COX7B2: variants seen among roughly 807,000 people sequenced by gnomAD.
COX7B2 encodes cytochrome c oxidase subunit 7B2.
For synonymous variants in COX7B2, 37 were observed against 32.1 expected (o/e 1.15, Z -0.51); for missense variants, 109 against 95.9 (o/e 1.14, Z -0.57).
At chr4:46,816,816 A>G (rs1719582337) in intron 2 of COX7B2, among the ~76,000 whole-genome samples, 2 of 152,204 alleles carry the variant, frequency 1.3e-5, no homozygotes, top group Admixed American at 6.5e-5. Flanking sequence ...TGTGTTACAG[A>G]CATTCATGTA....
At chr4:46,824,275 C>A (rs1033648550) in intron 2 of COX7B2, among the ~76,000 whole-genome samples, 30 of 152,002 alleles carry the variant, frequency 2.0e-4, no homozygotes, top group African/African-American at 6.0e-4. Flanking sequence ...CAGAAATATT[C>A]CAAAAAACTG....
intron 2 of COX7B2, among the ~76,000 whole-genome samples, chr4:46,772,975 A>T (rs1356412998): frequency 1.3e-5 from 2 of 152,156 alleles, no homozygotes; most frequent in African/African-American, 4.8e-5. Flanking sequence ...TTAAATGTCC[A>T]TGGAAACCAG....
intron 2 of COX7B2, among the ~76,000 whole-genome samples, chr4:46,795,289 A>C (rs1238543752): frequency 1.3e-4 from 12 of 95,196 alleles, no homozygotes; most frequent in African/African-American, 5.7e-4. Flanking sequence ...CTATGTCCTG[A>C]ATGGTAATGC....
intron 2 of COX7B2, among the ~76,000 whole-genome samples, chr4:46,820,834 A>AATAT (rs1194238870): frequency 3.9e-5 from 5 of 129,212 alleles, no homozygotes; most frequent in South Asian, 2.6e-4. Context: ...AAAAAAAAAA[A>AATAT]ATATATATAT....
intron 2 of COX7B2, among the ~76,000 whole-genome samples, chr4:46,781,664 C>T (rs1161604754): frequency 6.6e-6 from 1 of 152,302 alleles, no homozygotes; most frequent in Non-Finnish European, 1.5e-5. Context: ...CCTCTGCTTG[C>T]CAGGAGGTGT....
At chr4:46,894,412 G>A (rs12640527) in intron 1 of COX7B2, among the ~76,000 whole-genome samples, 20,303 of 151,950 alleles carry the variant, frequency 0.13, 1,480 homozygotes, top group South Asian at 0.25. Context: ...TTCAATAAAC[G>A]GTGCTGGAAT....
At chr4:46,815,596 TCTC>T (rs1420722266) in intron 2 of COX7B2, among the ~76,000 whole-genome samples, 9 of 152,046 alleles carry the variant, frequency 5.9e-5, no homozygotes, top group Non-Finnish European at 8.8e-5. Flanking sequence ...TAATCTGTAT[TCTC>T]CTACAGCTGC....
intron 2 of COX7B2, among the ~76,000 whole-genome samples, chr4:46,735,812 A>C (rs896682061): frequency 2.0e-5 from 3 of 152,184 alleles, no homozygotes; most frequent in African/African-American, 7.2e-5. Context: ...ACAATTTACA[A>C]ACTTTTTTTC....
chr4:46,782,981 A>G (rs1014808934), intron 2 of COX7B2, among the ~76,000 whole-genome samples: 1 of 152,222 alleles, frequency 6.6e-6, no homozygotes, highest in Non-Finnish European at 1.5e-5. Flanking sequence ...AATTCCGGAC[A>G]TAATACTATA....
At chr4:46,844,587 A>C (rs568663681) in intron 2 of COX7B2, among the ~76,000 whole-genome samples, 16 of 152,076 alleles carry the variant, frequency 1.1e-4, no homozygotes, top group Non-Finnish European at 2.1e-4. Context: ...CAAATGAAAG[A>C]TTTTCTAAGC....
intron 2 of COX7B2, among the ~76,000 whole-genome samples, chr4:46,768,682 A>G (rs1484542584): frequency 1.3e-5 from 2 of 152,206 alleles, no homozygotes; most frequent in Non-Finnish European, 2.9e-5. Flanking sequence ...TCAAGGAACC[A>G]GAACAAGAAT....
intron 1 of COX7B2, among the ~76,000 whole-genome samples, chr4:46,888,469 A>C (rs532531140): frequency 1.8e-3 from 266 of 148,216 alleles, no homozygotes; most frequent in Middle Eastern, 0.01. Flanking sequence ...TTTGAGACGG[A>C]GTCTTGATCT....
intron 1 of COX7B2, among the ~76,000 whole-genome samples, chr4:46,897,616 C>T (rs144144906): frequency 3.3e-5 from 5 of 152,294 alleles, no homozygotes; most frequent in East Asian, 3.9e-4. Flanking sequence ...GTAATCCCTA[C>T]GGCTGTCAAC....
At chr4:46,782,718 A>G (rs564786453) in intron 2 of COX7B2, among the ~76,000 whole-genome samples, 1 of 152,336 alleles carries the variant, frequency 6.6e-6, no homozygotes, top group African/African-American at 2.4e-5. Context: ...TGAAGCCAGC[A>G]AGACCAAGAA....
intron 2 of COX7B2, among the ~76,000 whole-genome samples, chr4:46,769,307 A>G (rs1244384696): frequency 6.6e-6 from 1 of 152,214 alleles, no homozygotes; most frequent in East Asian, 1.9e-4. Context: ...ATGAACATAG[A>G]TGCAAATATC....
intron 2 of COX7B2, among the ~76,000 whole-genome samples, chr4:46,826,497 G>T (rs953560632): frequency 6.6e-6 from 1 of 151,848 alleles, no homozygotes; most frequent in Non-Finnish European, 1.5e-5. Context: ...AATACCATTC[G>T]ACCCAACAAT....
chr4:46,742,274 T>C (rs1341438700), intron 2 of COX7B2, among the ~76,000 whole-genome samples: 1 of 152,114 alleles, frequency 6.6e-6, no homozygotes, highest in African/African-American at 2.4e-5. Flanking sequence ...TCCACTTGCT[T>C]TTATTTCCAC....
intron 2 of COX7B2, among the ~76,000 whole-genome samples, chr4:46,800,384 CA>C (rs982699464): frequency 3.4e-4 from 52 of 152,144 alleles, no homozygotes; most frequent in Admixed American, 9.8e-4. Context: ...CTACAGTCAC[CA>C]AAACAGTATG....
chr4:46,868,083 A>G (rs770829135), intron 1 of COX7B2, among the ~76,000 whole-genome samples: 1 of 152,070 alleles, frequency 6.6e-6, no homozygotes, highest in African/African-American at 2.4e-5. Flanking sequence ...CAGGAAATCA[A>G]TTTCTTCCTG....
Sources: allele counts gnomAD v4.1 joint callset (sites outside exome capture counted in the v4.1 genomes callset), GRCh38; gene constraint gnomAD v4.1.1; transcripts MANE v1.5; gene names NCBI Gene and HGNC (gene_info 2026-07-23, HGNC 2026-07-21).